Variants in GOLGA8A observed in about 807,000 individuals in gnomAD.
GOLGA8A encodes the protein golgin A8 family member A.
A neutral mutation model predicts 22.1 loss-of-function variants in GOLGA8A; 3 were observed. The ratio of observed to expected loss-of-function variants is 0.14; its 90% CI spans 0.06 to 0.35. GOLGA8A has a LOEUF of 0.35. GOLGA8A is among the 10% of genes least tolerant of loss of function. The pLI, the probability that GOLGA8A is intolerant of heterozygous loss-of-function variation, is 1.00. For synonymous variants in GOLGA8A, 7 were observed against 91.7 expected, an observed-to-expected ratio of 0.08 and a Z score of 5.28; for missense variants, 16 against 233.2, an observed-to-expected ratio of 0.07 and a Z score of 6.07.
chr15:34,431,940 C>T lies in GOLGA8A; in HGVS notation c.-1123+3443G>A, dbSNP rs568620786. ...TTCACCAAAACAATGTCATGTGATG[C>T]ATGACAGTACATATGTATCTCAACT... On this transcript the variant is annotated intron_variant, in intron 2 of 24. Transcript: ENST00000359187. Among the ~76,000 whole-genome samples, 6 of 148,992 alleles carry T rather than the reference C, an allele frequency of 4.0e-5. 1 individual carries two copies. The South Asian group carries it at 1.3e-3, about 32-fold the overall frequency.
chr15:34,431,343 ATATC>A (rs1231384010), intron 2 of GOLGA8A, among the ~76,000 whole-genome samples: 1 of 119,310 alleles, frequency 8.4e-6, no homozygotes, highest in African/African-American at 3.2e-5. Context: ...ATATATATAT[ATATC>A]TCACACACAC....
intron 2 of GOLGA8A, among the ~76,000 whole-genome samples, chr15:34,432,120 T>G (rs1205426639): frequency 2.0e-5 from 3 of 149,238 alleles, no homozygotes; most frequent in East Asian, 3.9e-4. Flanking sequence ...TGGCTTCAAG[T>G]GCAAAATGGA....
chr15:34,430,445 A>C lies in GOLGA8A; in HGVS notation c.-1123+4938T>G, dbSNP rs151121479. The stretch of plus-strand genomic sequence containing the variant: ...GGTCAGGAAAATCTCGACTTCACCC[A>C]ATGCCATTCCCGAGACAATCAGCCA... On this transcript the variant is annotated intron_variant, in intron 2 of 24. Transcript: ENST00000359187. Among the ~76,000 whole-genome samples, 21 of 149,228 alleles carry C rather than the reference A, an allele frequency of 1.4e-4. 2 individuals carry two copies. In the East Asian group the frequency reaches 4.1e-3, roughly 29 times the overall value.
rs3053180 is a variant in GOLGA8A, at chr15:34,411,422, ATGTGTGTGTGTG to A, written c.-1122-3699_-1122-3688del. ...ATTTTTTTCTGAGAAGAATTCATGA[ATGTGTGTGTGTG>A]TGTGTGTGTGTGTGTGTGTGTGTCT... On this transcript the variant is annotated intron_variant, in intron 2 of 24. Transcript: ENST00000359187. 3.4e-4 allele frequency among the ~76,000 whole-genome samples: 34 copies of A among 98,580 alleles called. 1 individual carries two copies. Among genetic ancestry groups the A allele is most frequent in the East Asian group, 1.9e-3 (7 of 3,628 alleles). 64.7% of individuals were successfully genotyped at this position (98,580 alleles called of 152,430 possible).
Position 34,435,382 on chromosome 15 carries a change from C to T in GOLGA8A, c.-1123+1G>A, listed in dbSNP as rs111559553. On this transcript the variant is annotated splice_donor_variant, in intron 2 of 24. Transcript: ENST00000359187. LOFTEE classifies it low-confidence loss of function (5UTR_SPLICE). The stretch of plus-strand genomic sequence containing the variant: ...GTGTGATCAGTGTCTTTTACAATTA[C>T]CTTTTACTTTTATCCAGCATTTCTT... 7 of 149,770 alleles carry T rather than the reference C, an allele frequency of 4.7e-5. No homozygotes were observed. The highest frequency in any genetic ancestry group is 1.7e-4 in the African/African-American group (7 of 40,660). The allele number at this position is 149,770 out of a possible 1,614,324, so 9.3% of individuals were successfully genotyped here. A position where few individuals can be genotyped will look rare whatever the true frequency, so the allele number is the denominator to read the frequency against.
At chr15:34,432,908 C>T (rs1283719799) in intron 2 of GOLGA8A, among the ~76,000 whole-genome samples, 6 of 149,090 alleles carry the variant, frequency 4.0e-5, no homozygotes, top group African/African-American at 9.9e-5. Context: ...CACCATGGAG[C>T]TCTTGCTGTC....
At chr15:34,434,512 A>G (rs146996606) in intron 2 of GOLGA8A, among the ~76,000 whole-genome samples, 13,830 of 148,526 alleles carry the variant, frequency 0.093, 1,637 homozygotes, top group South Asian at 0.24. Flanking sequence ...GAGGCGAGAA[A>G]CGACAGTGCC....
chr15:34,431,345 A>ATATATATATATATC (rs1893242853), intron 2 of GOLGA8A, among the ~76,000 whole-genome samples: 2 of 130,486 alleles, frequency 1.5e-5, no homozygotes, highest in African/African-American at 6.2e-5. Context: ...ATATATATAT[A>ATATATATATATATC]TCTCACACAC....
In GOLGA8A at chr15:34,437,224, C is replaced by T. The variant is rs1935590830; in HGVS notation, c.-1212+174G>A. Reference sequence around the variant, plus strand: ...GGCGTAAGGCCGCCGGGCTGCACCCCTAGATCCCAGCGGCGGCCTCCCCGC... The same window carrying T: ...GGCGTAAGGCCGCCGGGCTGCACCCTTAGATCCCAGCGGCGGCCTCCCCGC... On this transcript the variant is annotated intron_variant, in intron 1 of 24. Transcript: ENST00000359187. Among the ~76,000 whole-genome samples, 2 of 146,838 alleles carry T rather than the reference C, an allele frequency of 1.4e-5. 1 individual carries two copies. The highest frequency in any genetic ancestry group is 1.4e-4 in the Admixed American group (2 of 14,690).
At chr15:34,433,938 C>T (rs8032401) in intron 2 of GOLGA8A, among the ~76,000 whole-genome samples, 14,017 of 148,856 alleles carry the variant, frequency 0.094, 1,748 homozygotes, top group South Asian at 0.25. Context: ...AGTGAGGGGC[C>T]GGCCAGGTGG....
chr15:34,380,251 T>G lies in GOLGA8A; in HGVS notation c.*1160A>C, dbSNP rs1891415586. ...TAGGTATTAGCCAGAGAGGTCTAGATAGTAAAATCAAACTTCAAGCCTCAA... is the reference window on the plus strand; with the variant it reads ...TAGGTATTAGCCAGAGAGGTCTAGAGAGTAAAATCAAACTTCAAGCCTCAA... On this transcript the variant is annotated 3_prime_UTR_variant, in exon 25 of 25. Coordinates refer to ENST00000359187, the MANE Select transcript of GOLGA8A (RefSeq NM_181077.5). The G allele has an allele frequency of 1.3e-5, 2 of 152,128 alleles. No homozygotes were observed. The highest frequency in any genetic ancestry group is 2.9e-5 in the Non-Finnish European group (2 of 68,012). The allele number at this position is 152,128 out of a possible 1,614,324, so 9.4% of individuals were successfully genotyped here.
At chr15:34,436,069 A>T (rs1460724028) in intron 1 of GOLGA8A, among the ~76,000 whole-genome samples, 1 of 148,802 alleles carries the variant, frequency 6.7e-6, no homozygotes, top group Non-Finnish European at 1.5e-5. Flanking sequence ...CCGGACTGGG[A>T]AACCCAGTTC....
chr15:34,427,878 G>A (rs1893052441), intron 2 of GOLGA8A, among the ~76,000 whole-genome samples: 1 of 148,448 alleles, frequency 6.7e-6, no homozygotes, highest in Admixed American at 6.8e-5. Flanking sequence ...TCTCTTCCTG[G>A]AATAACTAAC....
chr15:34,436,666 C>T lies in GOLGA8A; in HGVS notation c.-1212+732G>A, dbSNP rs549114428. Among the ~76,000 whole-genome samples the T allele has an allele frequency of 1.1e-3, 159 of 149,868 alleles. 11 individuals are homozygous for T. The highest frequency in any genetic ancestry group is 3.4e-3 in the Middle Eastern group (1 of 294). On this transcript the variant is annotated intron_variant, in intron 1 of 24. Coordinates refer to ENST00000359187, the MANE Select transcript of GOLGA8A (RefSeq NM_181077.5). ...CCCCTAGCCTGGGCTTACCAAGGCCCGCCGCCCGACCCATGGAGCCCTGCT... is the reference window on the plus strand; with the variant it reads ...CCCCTAGCCTGGGCTTACCAAGGCCTGCCGCCCGACCCATGGAGCCCTGCT...
rs1059916 is a variant in GOLGA8A at position 34,379,449 on chromosome 15, C to T, written c.*1962G>A. 2 of 152,548 alleles carry T rather than the reference C, an allele frequency of 1.3e-5. No individual in the cohort carries two copies. The highest frequency in any genetic ancestry group is 6.5e-5 in the Admixed American group (1 of 15,278). The allele number at this position is 152,548 out of a possible 1,614,324, so 9.4% of individuals were successfully genotyped here. The stretch of plus-strand genomic sequence containing the variant: ...TAATTAGCCGCATTATTTGGTCTAA[C>T]ATTTTTTATCATTCTGAAACTGGAT... On this transcript the variant is annotated 3_prime_UTR_variant, in exon 25 of 25. Transcript: ENST00000359187.
chr15:34,424,098 C>A (rs1892888093), intron 2 of GOLGA8A, among the ~76,000 whole-genome samples: 1 of 148,706 alleles, frequency 6.7e-6, no homozygotes, highest in Non-Finnish European at 1.5e-5. Flanking sequence ...CATGTGACAG[C>A]CCCCGCCAGA....
intron 2 of GOLGA8A, among the ~76,000 whole-genome samples, chr15:34,432,846 C>A (rs1893318311): frequency 6.7e-6 from 1 of 149,100 alleles, no homozygotes; most frequent in Non-Finnish European, 1.5e-5. Flanking sequence ...TAGGCCGTAG[C>A]TGTAACTCAC....
At position 34,425,827 on chromosome 15, in the gene GOLGA8A, A is replaced by G. The variant is rs1347227524; in HGVS notation, c.-1123+9556T>C. On this transcript the variant is annotated intron_variant, in intron 2 of 24. Transcript: ENST00000359187. ...TTCAAATTAGTAGTAAGCACAGAAGAAACAGCTTCTTATAATTCACAATTT... is the reference window on the plus strand; with the variant it reads ...TTCAAATTAGTAGTAAGCACAGAAGGAACAGCTTCTTATAATTCACAATTT... 2.7e-5 allele frequency among the ~76,000 whole-genome samples: 4 copies of G among 146,342 alleles called. 1 individual carries two copies. The highest frequency in any genetic ancestry group is 6.0e-5 in the Non-Finnish European group (4 of 66,126).
intron 1 of GOLGA8A, among the ~76,000 whole-genome samples, 184 bp from the exon 2 acceptor site, chr15:34,435,655 C>T (rs1187452492): frequency 6.7e-6 from 1 of 148,914 alleles, no homozygotes; most frequent in African/African-American, 2.5e-5. Context: ...CACACACTCA[C>T]ACCCCGTGGG....
Sources: allele counts gnomAD v4.1 joint callset (sites outside exome capture counted in the v4.1 genomes callset), GRCh38; gene constraint gnomAD v4.1.1; transcripts MANE v1.5; gene names NCBI Gene and HGNC (gene_info 2026-07-23, HGNC 2026-07-21).